ABCB5: variants seen among roughly 807,000 people sequenced by gnomAD.
ABCB5 encodes ATP-binding cassette sub-family B member 5.
In ABCB5, 155 loss-of-function variants were observed where a neutral mutation model predicts 144.2. The observed-to-expected ratio is 1.08, with a 90% CI of 0.94 to 1.23. ABCB5 has a LOEUF of 1.23. ABCB5 is among the 50% of genes most tolerant of loss of function. ABCB5 has a pLI of 0.00. For missense variants in ABCB5, 1,830 were observed against 1,520.8 expected (o/e 1.20, Z -3.38); for synonymous variants, 610 against 528.6 (o/e 1.15, Z -2.11).
chr7:20,655,677 A>C (rs992226538), intron 13 of ABCB5, among the ~76,000 whole-genome samples: 2 of 152,226 alleles, frequency 1.3e-5, no homozygotes, highest in African/African-American at 4.8e-5. Context: ...AATAGAAAGT[A>C]CCTTATTCAT....
intron 26 of ABCB5, 115 bp from the exon 27 acceptor site, chr7:20,753,245 A>C (rs569999498): frequency 7.8e-7 from 1 of 1,284,694 alleles, no homozygotes; most frequent in Non-Finnish European, 1.1e-6. Context: ...ATTTGTTGGG[A>C]CACAAATTTT....
rs1357313029 is a variant in ABCB5, at chr7:20,756,761, A to G, written c.*1137A>G. The G allele has an allele frequency of 6.6e-6, 1 of 152,218 alleles. No homozygotes were observed. The highest frequency in any genetic ancestry group is 1.5e-5 in the Non-Finnish European group (1 of 68,028). The allele number at this position is 152,218 out of a possible 1,614,324, so 9.4% of individuals were successfully genotyped here. ...CTTTATCATATATAATGTGTGAATG[A>G]TTTTAAAGTTCTGTGTAAATAACAA... On this transcript the variant is annotated 3_prime_UTR_variant, in exon 28 of 28. Coordinates refer to ENST00000404938, the MANE Select transcript of ABCB5 (RefSeq NM_001163941.2).
chr7:20,650,569 CTT>C (rs71020652), intron 12 of ABCB5, among the ~76,000 whole-genome samples: 1 of 147,028 alleles, frequency 6.8e-6, no homozygotes. Context: ...TTTTCTTTTC[CTT>C]TTTTTTTTTT....
Position 20,626,616 on chromosome 7 carries a change from G to A in ABCB5, c.108+5G>A, listed in dbSNP as rs1049441253. Reference sequence around the variant, plus strand: ...GCAGTTGGATCTATTGAGATAGTAAGTGAAATCAGTTAGAAAGTACATGCA... The same window carrying A: ...GCAGTTGGATCTATTGAGATAGTAAATGAAATCAGTTAGAAAGTACATGCA... On this transcript the variant is annotated splice_donor_5th_base_variant and intron_variant, in intron 3 of 27. Coordinates refer to ENST00000404938, the MANE Select transcript of ABCB5 (RefSeq NM_001163941.2). 4 of 1,600,990 alleles carry A rather than the reference G, an allele frequency of 2.5e-6. No homozygotes were observed. The highest frequency in any genetic ancestry group is 3.4e-6 in the Non-Finnish European group (4 of 1,173,630).
intron 26 of ABCB5, among the ~76,000 whole-genome samples, chr7:20,752,161 G>A (rs1782951507): frequency 6.6e-6 from 1 of 152,200 alleles, no homozygotes; most frequent in Non-Finnish European, 1.5e-5. Flanking sequence ...GTGAAATGCT[G>A]CTACAGGATT....
At chr7:20,681,911 C>T (rs770455769) in intron 15 of ABCB5, among the ~76,000 whole-genome samples, 13 of 152,040 alleles carry the variant, frequency 8.6e-5, no homozygotes, top group Non-Finnish European at 1.6e-4. Context: ...AAATAGGCTT[C>T]AAAACTTGTA....
intron 2 of ABCB5, 43 bp from the exon 3 acceptor site, chr7:20,626,514 T>C: frequency 6.4e-7 from 1 of 1,560,176 alleles, no homozygotes; most frequent in Non-Finnish European, 8.7e-7. Flanking sequence ...TTGCAAATTA[T>C]ATTCACATTG....
intron 11 of ABCB5, among the ~76,000 whole-genome samples, 163 bp from the exon 12 acceptor site, chr7:20,649,859 A>T (rs537268679): frequency 8.9e-4 from 136 of 152,376 alleles, no homozygotes; most frequent in African/African-American, 2.8e-3. Context: ...TTCTGAAATT[A>T]TTCAGGCTAT....
chr7:20,649,173 T>G (rs2128025096), intron 11 of ABCB5, among the ~76,000 whole-genome samples: 1 of 152,244 alleles, frequency 6.6e-6, no homozygotes, highest in African/African-American at 2.4e-5. Context: ...AGAGTAAAAG[T>G]GCAGGTGTGA....
In ABCB5 at chr7:20,712,769, GC is replaced by G. The variant is rs540585809; in HGVS notation, c.2421+7963del. Among the ~76,000 whole-genome samples the G allele has an allele frequency of 2.6e-4, 39 of 149,066 alleles. 3 individuals carry two copies. The South Asian group carries it at 8.4e-3, about 32-fold the overall frequency. On this transcript the variant is annotated intron_variant, in intron 20 of 27. Transcript: ENST00000404938. ...ATATGTAGTATATACATTGGTAGTA[GC>G]TTTTTAAATTGATAAGTAAAAGTTT...
At chr7:20,680,492 C>G (rs1187668196) in intron 14 of ABCB5, among the ~76,000 whole-genome samples, 1 of 151,720 alleles carries the variant, frequency 6.6e-6, no homozygotes, top group African/African-American at 2.4e-5. Context: ...ATGGCGTGAA[C>G]CCGGGAGACG....
At chr7:20,649,922 A>G in intron 11 of ABCB5, 100 bp from the exon 12 acceptor site, 1 of 1,335,390 alleles carries the variant, frequency 7.5e-7, no homozygotes, top group Non-Finnish European at 1.0e-6. Flanking sequence ...TGTTTTTAGA[A>G]GAATTTGTTT....
chr7:20,666,743 A>T, intron 14 of ABCB5: 1 of 1,598,616 alleles, frequency 6.3e-7, no homozygotes, highest in Non-Finnish European at 8.5e-7. Context: ...AATTCTTTCA[A>T]TATTGTATTT....
chr7:20,698,682 G>A (rs188348182), intron 17 of ABCB5, 132 bp downstream of exon 17: 84 of 739,692 alleles, frequency 1.1e-4, no homozygotes, highest in Admixed American at 4.8e-4. Context: ...TGTGGAGTCC[G>A]TGATAGGAAG....
Position 20,646,170 on chromosome 7 carries a change from C to A in ABCB5, c.981+32C>A. On this transcript the variant is annotated intron_variant, in intron 9 of 27. Transcript: ENST00000404938. Reference sequence around the variant, plus strand: ...CTTGTTTGAGAACAAGGTGTCAGGCCTGGATAATCTTTCCTTACCTAGTTT... The same window carrying A: ...CTTGTTTGAGAACAAGGTGTCAGGCATGGATAATCTTTCCTTACCTAGTTT... 3 of 1,575,404 alleles carry A rather than the reference C, an allele frequency of 1.9e-6. No homozygotes were observed. In the African/African-American group the frequency reaches 4.1e-5, roughly 22 times the overall value.
At chr7:20,696,937 T>C (rs1486060250) in intron 16 of ABCB5, among the ~76,000 whole-genome samples, 1 of 152,150 alleles carries the variant, frequency 6.6e-6, no homozygotes, top group South Asian at 2.1e-4. Context: ...AGGAGGAAGA[T>C]AGCCCTCCTA....
chr7:20,646,267 A>T, intron 9 of ABCB5, 129 bp downstream of exon 9: 1 of 917,208 alleles, frequency 1.1e-6, no homozygotes, highest in Non-Finnish European at 1.6e-6. Flanking sequence ...TGTTTCCCTC[A>T]AATTATCTGT....
At chr7:20,669,252 CATG>C (rs1785369092) in intron 14 of ABCB5, among the ~76,000 whole-genome samples, 1 of 142,644 alleles carries the variant, frequency 7.0e-6, no homozygotes, top group African/African-American at 2.7e-5. Context: ...GGGGATGGGC[CATG>C]ATGACAATGG....
intron 14 of ABCB5, chr7:20,660,201 G>T (rs1784958816): frequency 4.1e-6 from 4 of 984,000 alleles, no homozygotes; most frequent in Non-Finnish European, 3.6e-6. Context: ...GAAAAAAGAA[G>T]AATGCAGAAT....
Sources: gnomAD v4.1 joint callset for allele counts (sites outside exome capture counted in the v4.1 genomes callset) on GRCh38, gnomAD v4.1.1 for gene constraint, MANE v1.5 for transcripts, NCBI Gene and HGNC (gene_info 2026-07-23, HGNC 2026-07-21) for gene names.